Variants in A2M observed in about 807,000 individuals in gnomAD.
The protein encoded by A2M is C3 and PZP-like alpha-2-macroglobulin domain-containing protein 5.
Under a neutral mutation model 183.9 loss-of-function variants are expected in A2M, and 128 were observed. The observed-to-expected ratio is 0.70, with a 90% confidence interval of 0.60 to 0.81. The LOEUF is 0.81. A2M is among the 30% of genes least tolerant of loss of function. The pLI, the probability that A2M is intolerant of heterozygous loss-of-function variation, is 0.00. For synonymous variants in A2M, 592 were observed against 670.8 expected, an observed-to-expected ratio of 0.88 and a Z score of 1.81; for missense variants, 1,495 against 1,787.6, an observed-to-expected ratio of 0.84 and a Z score of 2.95.
At chr12:9,097,632 C>T (rs992513360) in intron 15 of A2M, among the ~76,000 whole-genome samples, 27 of 127,094 alleles carry the variant, frequency 2.1e-4, no homozygotes, top group Non-Finnish European at 2.5e-4. Flanking sequence ...TGATGTAATT[C>T]TTTTTTTTTT....
chr12:9,099,389 C>T lies in A2M; in HGVS notation c.1693G>A (p.Ala565Thr), dbSNP rs1949481953. The T allele has an allele frequency of 6.4e-7, 1 of 1,556,514 alleles. No homozygotes were observed. The highest frequency in any genetic ancestry group is 2.4e-5 in the East Asian group (1 of 41,344). ...TGATCTAAAACACACACCTTGTTGG[C>T]CAGACAATTTTCAACATCATATTTT... ...SAKYDVENCL[A>T]NKVDLSFSPS... Residue 565 changes from alanine to threonine, a missense_variant, in exon 14 of 36, where the codon GCC (alanine) becomes ACC (threonine). Coordinates refer to ENST00000318602, the MANE Select transcript of A2M (RefSeq NM_000014.6).
At chr12:9,102,226 A>T (rs1409899555) in intron 11 of A2M, among the ~76,000 whole-genome samples, 1 of 151,930 alleles carries the variant, frequency 6.6e-6, no homozygotes, top group Non-Finnish European at 1.5e-5. Flanking sequence ...TATTATTATT[A>T]TTTTTTTGAG....
chr12:9,072,713 C>A lies in A2M; in HGVS notation c.3915G>T (p.Leu1305Phe), dbSNP rs766673260. The A allele has an allele frequency of 6.2e-7, 1 of 1,614,172 alleles. No individual in the cohort carries two copies. Among genetic ancestry groups the A allele is most frequent in the Non-Finnish European group, 8.5e-7 (1 of 1,180,036 alleles). ...NNRLLLQQVSLPELPGEYSMK... is the reference protein window; with the variant it reads ...NNRLLLQQVSFPELPGEYSMK... ...TGCTGTATTCCCCAGGCAGCTCTGG[C>A]AATGAGACCTGCTGCAGTAACAGGC... The change falls in exon 30 of 36, where the codon TTG becomes TTT. Residue 1305 changes from leucine to phenylalanine, a missense_variant. Coordinates refer to ENST00000318602, the MANE Select transcript of A2M (RefSeq NM_000014.6).
intron 18 of A2M, among the ~76,000 whole-genome samples, chr12:9,092,024 C>A (rs1372456391): frequency 6.6e-6 from 1 of 152,198 alleles, no homozygotes; most frequent in Non-Finnish European, 1.5e-5. Context: ...AATTAGCTAA[C>A]AGCTCCCAGT....
At chr12:9,082,404 C>A (rs1042170518) in intron 22 of A2M, among the ~76,000 whole-genome samples, 1 of 152,190 alleles carries the variant, frequency 6.6e-6, no homozygotes, top group African/African-American at 2.4e-5. Flanking sequence ...AAACAGTGAT[C>A]TTGCCAGAGA....
At chr12:9,092,852 A>G (rs1949254026) in intron 18 of A2M, among the ~76,000 whole-genome samples, 1 of 152,230 alleles carries the variant, frequency 6.6e-6, no homozygotes, top group African/African-American at 2.4e-5. Context: ...GCCAAGATAT[A>G]AAAACAACCT....
chr12:9,104,218 G>A (rs772593731), intron 11 of A2M, 21 bp downstream of exon 11: 1 of 1,599,936 alleles, frequency 6.3e-7, no homozygotes, highest in South Asian at 1.1e-5. Flanking sequence ...CATGTCATTG[G>A]TAATTTCTTT....
At position 9,072,805 on chromosome 12, in the gene A2M, C is replaced by T. The variant is rs964870982; in HGVS notation, c.3823G>A (p.Ala1275Thr). 3.1e-6 allele frequency: 5 copies of T among 1,614,186 alleles called. No individual in the cohort carries two copies. Among genetic ancestry groups the T allele is most frequent in the Non-Finnish European group, 3.4e-6 (4 of 1,180,034 alleles). Residue 1275 changes from alanine (A) to threonine (T), a missense_variant, in exon 30 of 36, where the codon GCT becomes ACT. Physicochemically the swap from Ala to Thr is moderately conservative, Grantham distance 58. Transcript: ENST00000318602. ...GAAGACTGGATAGTCACCTGTGCAG[C>T]CTTCCCAGTCCTGGTAAATGTGGCT... The part of the protein sequence containing the change: ...GAATFTRTGK[A>T]AQVTIQSSGT...
At chr12:9,109,099 G>GA (rs768145539) in intron 7 of A2M, among the ~76,000 whole-genome samples, 51 of 152,054 alleles carry the variant, frequency 3.4e-4, no homozygotes, top group Admixed American at 2.7e-3. Context: ...AACCTCTCTA[G>GA]AAACAGTTTC....
intron 25 of A2M, 68 bp from the exon 26 acceptor site, chr12:9,077,925 C>T (rs1373719954): frequency 2.5e-6 from 4 of 1,589,218 alleles, no homozygotes; most frequent in Non-Finnish European, 3.4e-6. Flanking sequence ...TTCACAGCAA[C>T]AGGCTTCATA....
chr12:9,068,747 G>A lies in A2M; in HGVS notation c.4359C>T (p.Tyr1453=), dbSNP rs369658444. The A allele has an allele frequency of 2.8e-5, 45 of 1,599,806 alleles. No homozygotes were observed. Among genetic ancestry groups the A allele is most frequent in the Admixed American group, 1.0e-4 (6 of 58,390 alleles). ...AAAATCACTCTCACTCACCCGTCTC[G>A]TAGTAATCATAGACTTTCACTATGG... ...KPAIVKVYDY[Y]ETDEFAIAEY... is the part of the protein sequence containing the mutation. Residue 1453 remains tyrosine, a synonymous_variant, in exon 34 of 36, where the codon TAC becomes TAT. Coordinates refer to ENST00000318602, the MANE Select transcript of A2M (RefSeq NM_000014.6).
chr12:9,080,709 C>T (rs539089969), intron 22 of A2M, among the ~76,000 whole-genome samples: 9 of 151,948 alleles, frequency 5.9e-5, no homozygotes, highest in South Asian at 2.1e-4. Context: ...GAAGTGAAGA[C>T]GAACAGTATT....
chr12:9,106,341 C>T lies in A2M; in HGVS notation c.999G>A (p.Val333=), dbSNP rs763133897. ...EAQIQEEGTV[V]ELTGRQSSEI... ...CACTGGACTGCCTTCCAGTCAATTC[C>T]ACCACTGAAAAAAGAGAAAAAAATC... is the stretch of plus-strand genomic sequence containing the variant. Residue 333 remains valine (V), a synonymous_variant, in exon 10 of 36, where the codon GTG becomes GTA. Transcript: ENST00000318602. 1.4e-5 allele frequency: 22 copies of T among 1,598,100 alleles called. No individual in the cohort carries two copies. The highest frequency in any genetic ancestry group is 1.9e-5 in the Non-Finnish European group (22 of 1,169,396).
chr12:9,075,853 A>G (rs1304254369), intron 28 of A2M, among the ~76,000 whole-genome samples: 1 of 152,144 alleles, frequency 6.6e-6, no homozygotes, highest in Non-Finnish European at 1.5e-5. Context: ...GTAATTTTCT[A>G]TTTCTTAATC....
In A2M at chr12:9,098,673, G is replaced by A. The variant is rs768484815; in HGVS notation, c.1785C>T (p.Cys595=). 7.4e-5 allele frequency: 119 copies of A among 1,611,042 alleles called. No individual in the cohort carries two copies. The highest frequency in any genetic ancestry group is 1.7e-4 in the South Asian group (15 of 90,024). Residue 595 remains cysteine (C), a synonymous_variant, in exon 15 of 36, where the codon TGC becomes TGT. Transcript: ENST00000318602. ...LRVTAAPQSV[C]ALRAVDQSVL... ...CGCTTTGGTCCACAGCACGGAGGGC[G>A]CAGACGGACTGAGGAGCCGCTGTGA... is the stretch of plus-strand genomic sequence containing the variant.
chr12:9,099,839 TGTAAGA>T (rs1254310944), intron 13 of A2M, among the ~76,000 whole-genome samples: 1 of 152,210 alleles, frequency 6.6e-6, no homozygotes, highest in Non-Finnish European at 1.5e-5. Context: ...AGTTATGAGA[TGTAAGA>T]GTAAGAGTTC....
At chr12:9,086,808 A>T (rs758365765) in intron 22 of A2M, among the ~76,000 whole-genome samples, 2 of 152,356 alleles carry the variant, frequency 1.3e-5, no homozygotes, top group East Asian at 3.9e-4. Context: ...CATGAAAAAG[A>T]AATGAAAAAT....
chr12:9,068,694 G>T, intron 34 of A2M, 46 bp downstream of exon 34: 1 of 1,429,606 alleles, frequency 7.0e-7, no homozygotes, highest in Non-Finnish European at 9.7e-7. Flanking sequence ...CTGAATTTCT[G>T]TGATCAGGAA....
At chr12:9,077,580 G>A in intron 26 of A2M, 121 bp downstream of exon 26, 1 of 1,503,820 alleles carries the variant, frequency 6.6e-7, no homozygotes, top group Non-Finnish European at 9.0e-7. Context: ...CTTTTTTGGT[G>A]CCATCCAGGT....
Sources: allele counts gnomAD v4.1 joint callset (sites outside exome capture counted in the v4.1 genomes callset), GRCh38; gene constraint gnomAD v4.1.1; transcripts MANE v1.5; gene names NCBI Gene and HGNC (gene_info 2026-07-23, HGNC 2026-07-21).